The following KLRG2 variants were observed in gnomAD, a reference collection of about 807,000 sequenced individuals.
KLRG2 encodes killer cell lectin like receptor G2.
A neutral mutation model predicts 35.4 loss-of-function variants in KLRG2; 39 were observed. The ratio of observed to expected loss-of-function variants is 1.10; its 90% CI spans 0.85 to 1.44. The LOEUF (loss-of-function observed/expected upper bound fraction) is 1.44, where lower values mean the gene tolerates loss of function less well. Ranked by LOEUF, KLRG2 falls within the 40% of genes most tolerant of loss-of-function variation. KLRG2 has a pLI of 0.00. For synonymous variants in KLRG2, 283 were observed against 265.8 expected (o/e 1.06, Z -0.63); for missense variants, 632 against 570.9 (o/e 1.11, Z -1.09).
chr7:139,467,822 AG>A (rs368269535), intron 3 of KLRG2, among the ~76,000 whole-genome samples: 21,550 of 152,006 alleles, frequency 0.14, 1,798 homozygotes, highest in African/African-American at 0.24. Flanking sequence ...CCCGACACCC[AG>A]TAAAGGGTCT....
At chr7:139,443,692 G>A in the KLRG2 span, among the ~76,000 whole-genome samples, 1 of 152,080 alleles carries the variant, frequency 6.6e-6, no homozygotes, top group Admixed American at 6.6e-5. Context: ...CTCCCAAGTA[G>A]CTGGGATTAC....
At chr7:139,447,848 G>A (rs764393692), downstream of KLRG2, among the ~76,000 whole-genome samples, 7 of 152,138 alleles carry the variant, frequency 4.6e-5, no homozygotes, top group Admixed American at 6.6e-5. Flanking sequence ...CCTGAAACCA[G>A]TTTTATCTAA....
the KLRG2 span, among the ~76,000 whole-genome samples, chr7:139,446,336 G>GTTTTTT: frequency 4.3e-5 from 4 of 92,046 alleles, no homozygotes; most frequent in Non-Finnish European, 8.0e-5. Context: ...ATTTTCCAGG[G>GTTTTTT]TTTTTTTTTT....
At chr7:139,460,470 G>A (rs1189331096) in intron 3 of KLRG2, among the ~76,000 whole-genome samples, 1 of 152,170 alleles carries the variant, frequency 6.6e-6, no homozygotes, top group Non-Finnish European at 1.5e-5. Context: ...TTGAGGCTAG[G>A]AGTTTGAGAC....
the KLRG2 span, among the ~76,000 whole-genome samples, chr7:139,433,526 A>T: frequency 6.6e-6 from 1 of 151,182 alleles, no homozygotes; most frequent in Non-Finnish European, 1.5e-5. Context: ...GGGTTTCTCC[A>T]TGTTGGTCAG....
At chr7:139,472,700 G>C (rs1248411482) in intron 3 of KLRG2, among the ~76,000 whole-genome samples, 1 of 152,172 alleles carries the variant, frequency 6.6e-6, no homozygotes, top group Non-Finnish European at 1.5e-5. Flanking sequence ...TCAAGGAAAG[G>C]ACAGATAGAC....
chr7:139,454,510 G>C (rs1796425956), intron 3 of KLRG2, among the ~76,000 whole-genome samples: 2 of 152,088 alleles, frequency 1.3e-5, no homozygotes, highest in South Asian at 4.1e-4. Context: ...AAAGAAACAA[G>C]GAAGCTCAGA....
chr7:139,449,632 A>G (rs1796345970), downstream of KLRG2, among the ~76,000 whole-genome samples: 1 of 150,958 alleles, frequency 6.6e-6, no homozygotes, highest in Admixed American at 6.6e-5. Context: ...AATAACACTT[A>G]GCTTAAAACA....
intron 3 of KLRG2, among the ~76,000 whole-genome samples, chr7:139,478,383 G>T (rs1272230578): frequency 7.3e-6 from 1 of 136,774 alleles, no homozygotes; most frequent in Non-Finnish European, 1.6e-5. Context: ...AAAAAAAAAG[G>T]ACAACACTGG....
At chr7:139,427,801 G>A in the KLRG2 span, among the ~76,000 whole-genome samples, 2 of 152,154 alleles carry the variant, frequency 1.3e-5, no homozygotes, top group African/African-American at 4.8e-5. Flanking sequence ...GATGCCCGAT[G>A]AATGTGGAAT....
chr7:139,472,902 C>T (rs1192800811), intron 3 of KLRG2, among the ~76,000 whole-genome samples: 3 of 152,222 alleles, frequency 2.0e-5, no homozygotes, highest in African/African-American at 7.2e-5. Flanking sequence ...AGCGAGGTAA[C>T]TAACTGGCAG....
the KLRG2 span, among the ~76,000 whole-genome samples, chr7:139,427,710 TA>T: frequency 6.6e-6 from 1 of 152,184 alleles, no homozygotes; most frequent in Non-Finnish European, 1.5e-5. Context: ...TTGTGTCTCT[TA>T]AGAGCAAGGC....
intron 3 of KLRG2, among the ~76,000 whole-genome samples, chr7:139,471,681 T>G (rs2116463868): frequency 6.6e-6 from 1 of 152,048 alleles, no homozygotes; most frequent in East Asian, 1.9e-4. Context: ...AAGAATTCAC[T>G]TCCTGTCCTG....
intron 1 of KLRG2, 135 bp from the exon 2 acceptor site, chr7:139,480,382 C>A: frequency 9.7e-6 from 5 of 517,288 alleles, no homozygotes; most frequent in Non-Finnish European, 1.4e-5. Context: ...GGGATGCCAA[C>A]ATAAACCACA....
Position 139,483,440 on chromosome 7 carries a change from T to A in KLRG2, c.203A>T (p.Lys68Ile), listed in dbSNP as rs773229985. ...AGAGLEPSSKKKPPSPRPGSP... is the reference protein window; with the variant it reads ...AGAGLEPSSKIKPPSPRPGSP... ...CCCGGGGCGAGGCGAAGGCGGCTTT[T>A]TCTTGCTCGAGGGCTCCAGGCCTGC... The change falls in exon 1 of 5, where the codon AAA becomes ATA. Residue 68 changes from lysine (K) to isoleucine (I), a missense_variant. Transcript: ENST00000340940. The A allele has an allele frequency of 6.4e-7, 1 of 1,573,086 alleles. No individual in the cohort carries two copies.
At chr7:139,439,722 C>G in the KLRG2 span, among the ~76,000 whole-genome samples, 1 of 152,144 alleles carries the variant, frequency 6.6e-6, no homozygotes, top group African/African-American at 2.4e-5. Flanking sequence ...CCTGCCTCAG[C>G]ACAGGAGGGG....
rs147402960 is a variant in KLRG2 at position 139,472,784 on chromosome 7, G to A, written c.1005+6843C>T. Reference sequence around the variant, plus strand: ...AAAGCTTAAGTATTAGAGACAACAGGTCCTTCTGAAGGCCAATGTACGGGA... The same window carrying A: ...AAAGCTTAAGTATTAGAGACAACAGATCCTTCTGAAGGCCAATGTACGGGA... On this transcript the variant is annotated intron_variant, in intron 3 of 4. Coordinates refer to ENST00000340940, the MANE Select transcript of KLRG2 (RefSeq NM_198508.4). 3.0e-3 allele frequency among the ~76,000 whole-genome samples: 457 copies of A among 152,228 alleles called. 2 individuals are homozygous for A. The highest frequency in any genetic ancestry group is 4.5e-3 in the Non-Finnish European group (304 of 68,022).
intron 3 of KLRG2, among the ~76,000 whole-genome samples, chr7:139,466,025 AG>A (rs1796647970): frequency 6.6e-6 from 1 of 152,158 alleles, no homozygotes; most frequent in Non-Finnish European, 1.5e-5. Flanking sequence ...GTAGGTTACA[AG>A]CCGCTGGTCT....
Position 139,453,421 on chromosome 7 carries a change from C to T in KLRG2, c.*166G>A, listed in dbSNP as rs1796403257. On this transcript the variant is annotated 3_prime_UTR_variant, in exon 5 of 5. Transcript: ENST00000340940. ...ATCTCCTTTCCCTCGGATGCATCTTCCTGGGTTGAAGTCCAGCTCCTAGGC... is the reference window on the plus strand; with the variant it reads ...ATCTCCTTTCCCTCGGATGCATCTTTCTGGGTTGAAGTCCAGCTCCTAGGC... The T allele has an allele frequency of 3.1e-6, 2 of 650,126 alleles. No homozygotes were observed. The highest frequency in any genetic ancestry group is 5.7e-5 in the East Asian group (2 of 34,914). 40.3% of individuals were successfully genotyped at this position (650,126 alleles called of 1,614,324 possible).
Sources: gnomAD v4.1 joint callset for allele counts (sites outside exome capture counted in the v4.1 genomes callset) on GRCh38, gnomAD v4.1.1 for gene constraint, MANE v1.5 for transcripts, NCBI Gene and HGNC (gene_info 2026-07-23, HGNC 2026-07-21) for gene names.